The following ABRAXAS1 variants were observed in gnomAD, a reference collection of about 807,000 sequenced individuals.
The protein encoded by ABRAXAS1 is BRCA1-A complex subunit Abraxas 1.
ABRAXAS1 carries 26 observed loss-of-function variants against 38.4 expected under a neutral mutation model. That is an observed-to-expected ratio of 0.68 (90% CI 0.50 to 0.94). ABRAXAS1 has a LOEUF of 0.94. ABRAXAS1 is among the 40% of genes least tolerant of loss of function. The probability of loss-of-function intolerance (pLI) is 0.00; values close to 1 mark genes in which losing one functional copy is unlikely to be tolerated. For missense variants in ABRAXAS1, 438 were observed against 481.9 expected (o/e 0.91, Z 0.85); for synonymous variants, 144 against 165.5 (o/e 0.87, Z 1.00).
At chr4:83,464,524 G>A (rs1053853160) in intron 7 of ABRAXAS1, among the ~76,000 whole-genome samples, 2 of 152,110 alleles carry the variant, frequency 1.3e-5, no homozygotes, top group African/African-American at 4.8e-5. Context: ...AGTAAAAAAA[G>A]CAACTAATTT....
chr4:83,463,194 C>T (rs962770577), intron 8 of ABRAXAS1, among the ~76,000 whole-genome samples: 1 of 152,140 alleles, frequency 6.6e-6, no homozygotes, highest in African/African-American at 2.4e-5. Context: ...CTTTGGGAGG[C>T]TGAGGCGGGT....
intron 7 of ABRAXAS1, among the ~76,000 whole-genome samples, chr4:83,464,492 G>A (rs191335213): frequency 6.6e-6 from 1 of 152,098 alleles, no homozygotes; most frequent in African/African-American, 2.4e-5. Flanking sequence ...AAAACAACTG[G>A]GGGAGGGGAG....
chr4:83,484,321 G>GA (rs1723100561), intron 1 of ABRAXAS1, among the ~76,000 whole-genome samples: 2 of 152,236 alleles, frequency 1.3e-5, no homozygotes, highest in African/African-American at 4.8e-5. Flanking sequence ...GCAAGTTACT[G>GA]AAAGTGCTAC....
rs534293909 is a variant in ABRAXAS1, at chr4:83,459,705, CTTT to C, written c.*2761_*2763del. The C allele has an allele frequency of 1.3e-6, 2 of 1,566,446 alleles. No individual in the cohort carries two copies. The highest frequency in any genetic ancestry group is 2.7e-5 in the African/African-American group (2 of 73,530). On this transcript the variant is annotated 3_prime_UTR_variant, in exon 9 of 9. Transcript: ENST00000321945. ...CACATTCAGAAATAAATAACAGATACTTTTTTTTCCCCTCCACATAAAACTCCA... is the reference window on the plus strand; with the variant it reads ...CACATTCAGAAATAAATAACAGATACTTTTTCCCCTCCACATAAAACTCCA...
At chr4:83,482,435 G>A (rs1044699298) in intron 1 of ABRAXAS1, among the ~76,000 whole-genome samples, 191 bp from the exon 2 acceptor site, 2 of 152,206 alleles carry the variant, frequency 1.3e-5, no homozygotes, top group African/African-American at 4.8e-5. Context: ...AAGAGGCTAG[G>A]CAAGATGGCT....
intron 2 of ABRAXAS1, 71 bp from the exon 3 acceptor site, chr4:83,476,750 G>A: frequency 1.0e-6 from 1 of 981,470 alleles, no homozygotes; most frequent in Non-Finnish European, 1.6e-6. Context: ...TGCATATTGA[G>A]CCTTTACCTC....
chr4:83,466,719 A>C (rs953022103), intron 7 of ABRAXAS1: 1 of 152,080 alleles, frequency 6.6e-6, no homozygotes, highest in African/African-American at 2.4e-5. Context: ...TTGTATTTTT[A>C]GTAGAGACGG....
intron 5 of ABRAXAS1, chr4:83,469,962 A>C: frequency 2.8e-6 from 1 of 358,510 alleles, no homozygotes; most frequent in Non-Finnish European, 5.0e-6. Flanking sequence ...TTAAGTAGTA[A>C]ATAAGAGCAA....
intron 7 of ABRAXAS1, among the ~76,000 whole-genome samples, chr4:83,464,710 T>C (rs950419090): frequency 6.6e-6 from 1 of 152,176 alleles, no homozygotes; most frequent in Non-Finnish European, 1.5e-5. Context: ...TGCCTGGCAA[T>C]CTGGAGGTAT....
intron 3 of ABRAXAS1, among the ~76,000 whole-genome samples, chr4:83,473,114 A>G (rs1183047099): frequency 6.6e-6 from 1 of 152,130 alleles, no homozygotes; most frequent in Non-Finnish European, 1.5e-5. Flanking sequence ...CCCTGTCTAC[A>G]TAAAAAATAC....
Position 83,476,630 on chromosome 4 carries a change from CACT to C in ABRAXAS1, c.215+10_215+12del, listed in dbSNP as rs777417606. On this transcript the variant is annotated intron_variant, in intron 3 of 8. Transcript: ENST00000321945. Reference sequence around the variant, plus strand: ...TCACAATGGATCATTTACTTACTAGCACTACTACTTACCTAAAAAGCTGATAGC... The same window carrying C: ...TCACAATGGATCATTTACTTACTAGCACTACTTACCTAAAAAGCTGATAGC... The C allele has an allele frequency of 6.5e-7, 1 of 1,540,306 alleles. No individual in the cohort carries two copies. The highest frequency in any genetic ancestry group is 9.0e-7 in the Non-Finnish European group (1 of 1,115,130).
chr4:83,463,806 A>C, intron 7 of ABRAXAS1, 198 bp from the exon 8 acceptor site: 1 of 355,648 alleles, frequency 2.8e-6, no homozygotes, highest in Admixed American at 4.6e-5. Flanking sequence ...ATAGGTTGTA[A>C]AATGCTTTTT....
At chr4:83,464,244 C>T (rs1328922183) in intron 7 of ABRAXAS1, among the ~76,000 whole-genome samples, 2 of 152,130 alleles carry the variant, frequency 1.3e-5, no homozygotes, top group Non-Finnish European at 2.9e-5. Context: ...AGAGTTACTG[C>T]ATAAATTTAA....
At chr4:83,479,365 C>T (rs1352651990) in intron 2 of ABRAXAS1, 2 of 144,680 alleles carry the variant, frequency 1.4e-5, no homozygotes, top group Non-Finnish European at 3.0e-5. Flanking sequence ...AATCCCACCA[C>T]TGCACTCCAG....
chr4:83,483,243 A>C (rs13124479), intron 1 of ABRAXAS1, among the ~76,000 whole-genome samples: 54,446 of 151,706 alleles, frequency 0.36, 11,348 homozygotes, highest in East Asian at 0.67. Context: ...GCACACTTAA[A>C]GACCCAATGT....
intron 4 of ABRAXAS1, 95 bp downstream of exon 4, chr4:83,472,127 C>T (rs1162797447): frequency 2.9e-5 from 21 of 717,480 alleles, no homozygotes; most frequent in Non-Finnish European, 3.8e-5. Context: ...TGATGTCAAA[C>T]ACTGCTTAAA....
At chr4:83,467,252 C>T (rs1722398254) in intron 7 of ABRAXAS1, 2 of 431,452 alleles carry the variant, frequency 4.6e-6, no homozygotes, top group South Asian at 6.6e-5. Flanking sequence ...AGTAAAAATA[C>T]ATATAGGTTT....
chr4:83,469,990 A>G (rs968219467), intron 5 of ABRAXAS1: 1 of 411,912 alleles, frequency 2.4e-6, no homozygotes, highest in African/African-American at 2.0e-5. Context: ...GTGCCAGAAT[A>G]CAAGTCATCA....
intron 1 of ABRAXAS1, among the ~76,000 whole-genome samples, chr4:83,484,503 T>G (rs940957214): frequency 6.6e-6 from 1 of 152,248 alleles, no homozygotes; most frequent in African/African-American, 2.4e-5. Context: ...GATTTGCCAC[T>G]GGACGCAACA....
Sources: gnomAD v4.1 joint callset for allele counts (sites outside exome capture counted in the v4.1 genomes callset) on GRCh38, gnomAD v4.1.1 for gene constraint, MANE v1.5 for transcripts, NCBI Gene and HGNC (gene_info 2026-07-23, HGNC 2026-07-21) for gene names.